UFL1: variants seen among roughly 807,000 people sequenced by gnomAD.
The protein encoded by UFL1 is UFM1 specific ligase 1.
In UFL1, 78 loss-of-function variants were observed where a neutral mutation model predicts 99.3. The observed-to-expected ratio is 0.79, with a 90% CI of 0.65 to 0.95. The LOEUF is 0.95. Ranked by LOEUF, UFL1 falls within the 40% of genes least tolerant of loss-of-function variation. The pLI is 0.00. For missense variants in UFL1, 936 were observed against 937.0 expected, an observed-to-expected ratio of 1.00 and a Z score of 0.01; for synonymous variants, 335 against 322.2, an observed-to-expected ratio of 1.04 and a Z score of -0.42.
intron 7 of UFL1, among the ~76,000 whole-genome samples, chr6:96,535,057 T>C (rs993103682): frequency 2.0e-5 from 3 of 152,038 alleles, no homozygotes; most frequent in Non-Finnish European, 4.4e-5. Context: ...TTCATTATAA[T>C]GTAAAGTTCT....
At position 96,538,627 on chromosome 6, in the gene UFL1, C is replaced by G. The variant is rs771171231; in HGVS notation, c.979-4C>G. The G allele has an allele frequency of 3.7e-6, 6 of 1,609,312 alleles. No homozygotes were observed. Among genetic ancestry groups the G allele is most frequent in the Non-Finnish European group, 5.1e-6 (6 of 1,177,360 alleles). ...CTTTATTTTTATTTTGTTTGTAATT[C>G]TAGCCTCTGCTACCCACTTCTTTAT... On this transcript the variant is annotated splice_region_variant and splice_polypyrimidine_tract_variant and intron_variant, in intron 9 of 18. Transcript: ENST00000369278.
chr6:96,535,039 G>A (rs956461248), intron 7 of UFL1, among the ~76,000 whole-genome samples: 7 of 151,716 alleles, frequency 4.6e-5, no homozygotes, highest in Admixed American at 3.3e-4. Flanking sequence ...ATTAGGAGTT[G>A]GTATAATTTC....
chr6:96,525,178 A>G, intron 3 of UFL1, 119 bp from the exon 4 acceptor site: 1 of 721,724 alleles, frequency 1.4e-6, no homozygotes, highest in Non-Finnish European at 2.2e-6. Flanking sequence ...GCTGGAATCC[A>G]GGCATGAGCC....
intron 6 of UFL1, 90 bp from the exon 7 acceptor site, chr6:96,534,173 T>C (rs1158158701): frequency 3.2e-5 from 27 of 837,366 alleles, no homozygotes. Context: ...ACAGTATTTT[T>C]CTTAAATTCT....
rs1769856585 is a variant in UFL1 at position 96,536,506 on chromosome 6, TAATA to T, written c.802+123_802+126del. On this transcript the variant is annotated intron_variant, in intron 8 of 18. Coordinates refer to ENST00000369278, the MANE Select transcript of UFL1 (RefSeq NM_015323.5). ...GATCTGTGGGTTATATTAAAAATAA[TAATA>T]AATAAAAATTTAAAAATGGGAACCC... The T allele has an allele frequency of 4.4e-6, 3 of 685,148 alleles. No homozygotes were observed. The Admixed American group carries it at 1.2e-4, about 27-fold the overall frequency. The allele number at this position is 685,148 out of a possible 1,614,324, so 42.4% of individuals were successfully genotyped here.
In UFL1 at chr6:96,521,967, C is replaced by T. The variant is rs767970078; in HGVS notation, c.77+17C>T. The T allele has an allele frequency of 4.7e-5, 76 of 1,608,568 alleles. No homozygotes were observed. Among genetic ancestry groups the T allele is most frequent in the Non-Finnish European group, 5.9e-5 (69 of 1,177,706 alleles). On this transcript the variant is annotated intron_variant, in intron 1 of 18. Coordinates refer to ENST00000369278, the MANE Select transcript of UFL1 (RefSeq NM_015323.5). ...CACGCAGAGGTGCCCGACCCTCCCT[C>T]TCCTTTGTGGAGCCCAAATTAGGCC...
At chr6:96,543,377 C>A (rs993812721) in intron 12 of UFL1, among the ~76,000 whole-genome samples, 1 of 151,182 alleles carries the variant, frequency 6.6e-6, no homozygotes, top group Non-Finnish European at 1.5e-5. Flanking sequence ...ATTCCTTATG[C>A]ACAAACAACA....
At chr6:96,540,268 G>C (rs1198866315) in intron 10 of UFL1, among the ~76,000 whole-genome samples, 1 of 151,468 alleles carries the variant, frequency 6.6e-6, no homozygotes, top group African/African-American at 2.4e-5. Context: ...GATTGCATCT[G>C]ATTGCAGCTG....
At position 96,525,341 on chromosome 6, in the gene UFL1, CATT is replaced by C; in HGVS notation, c.302_304del (p.Ile101del). On this transcript the variant is annotated inframe_deletion, in exon 4 of 19. Transcript: ENST00000369278. ...TTCATATTGAAAATAGAATTGGTGA[CATT>C]ATTAAATCAGAAAAGCATGTTCAGT... 6.2e-7 allele frequency: 1 copy of C among 1,609,488 alleles called. No homozygotes were observed. Among genetic ancestry groups the C allele is most frequent in the Non-Finnish European group, 8.5e-7 (1 of 1,178,180 alleles).
intron 6 of UFL1, among the ~76,000 whole-genome samples, chr6:96,531,255 A>G (rs1480665470): frequency 6.6e-6 from 1 of 152,208 alleles, no homozygotes; most frequent in Non-Finnish European, 1.5e-5. Context: ...ACACATGTAC[A>G]TACACCCCTC....
chr6:96,546,968 C>T (rs1233471175), intron 12 of UFL1, among the ~76,000 whole-genome samples: 1 of 151,568 alleles, frequency 6.6e-6, no homozygotes, highest in East Asian at 1.9e-4. Flanking sequence ...AAAGCAAATG[C>T]ACCAAAACCA....
At chr6:96,528,797 C>A (rs1769739087) in intron 6 of UFL1, among the ~76,000 whole-genome samples, 165 bp downstream of exon 6, 1 of 152,116 alleles carries the variant, frequency 6.6e-6, no homozygotes, top group African/African-American at 2.4e-5. Flanking sequence ...AATTGAGATT[C>A]CAGAGTTCTA....
At chr6:96,531,325 T>G (rs1369903603) in intron 6 of UFL1, among the ~76,000 whole-genome samples, 1 of 152,224 alleles carries the variant, frequency 6.6e-6, no homozygotes. Flanking sequence ...GTGCTGATAC[T>G]TCCATTTCTA....
chr6:96,549,812 T>C lies in UFL1; in HGVS notation c.1818+13T>C, dbSNP rs370074316. ...CATTACAAGTGAAGTATGTTAATGA[T>C]CTCCCTACCACTATTGATGTGTTCT... On this transcript the variant is annotated intron_variant, in intron 15 of 18. Coordinates refer to ENST00000369278, the MANE Select transcript of UFL1 (RefSeq NM_015323.5). The C allele has an allele frequency of 1.3e-5, 21 of 1,610,602 alleles. No individual in the cohort carries two copies. The African/African-American group carries it at 2.7e-4, about 21-fold the overall frequency.
chr6:96,546,530 T>C (rs915275662), intron 12 of UFL1, among the ~76,000 whole-genome samples: 1 of 151,448 alleles, frequency 6.6e-6, no homozygotes, highest in African/African-American at 2.4e-5. Context: ...AAAGTTGATA[T>C]GGAACCAAAA....
At chr6:96,538,051 C>A (rs879336348) in intron 9 of UFL1, among the ~76,000 whole-genome samples, 6 of 151,634 alleles carry the variant, frequency 4.0e-5, no homozygotes, top group Non-Finnish European at 8.9e-5. Flanking sequence ...GGGCCCAGAC[C>A]CTCTTTATAA....
At chr6:96,540,971 A>G (rs1267928183) in intron 11 of UFL1, among the ~76,000 whole-genome samples, 1 of 151,032 alleles carries the variant, frequency 6.6e-6, no homozygotes, top group African/African-American at 2.4e-5. Flanking sequence ...TTTGATTCCT[A>G]AACTTGCCAG....
intron 4 of UFL1, among the ~76,000 whole-genome samples, chr6:96,525,949 G>C (rs1312346688): frequency 1.3e-5 from 2 of 151,898 alleles, no homozygotes; most frequent in Non-Finnish European, 2.9e-5. Flanking sequence ...AGCCAAATGT[G>C]GTGGCTCGCA....
intron 15 of UFL1, among the ~76,000 whole-genome samples, chr6:96,550,808 G>T (rs983934038): frequency 6.6e-6 from 1 of 151,970 alleles, no homozygotes; most frequent in African/African-American, 2.4e-5. Flanking sequence ...ATTGGTGTGG[G>T]ATTGGGGCAG....
Sources: allele counts gnomAD v4.1 joint callset (sites outside exome capture counted in the v4.1 genomes callset), GRCh38; gene constraint gnomAD v4.1.1; transcripts MANE v1.5; gene names NCBI Gene and HGNC (gene_info 2026-07-23, HGNC 2026-07-21).